The following RAB39A variants were observed in gnomAD, a reference collection of about 807,000 sequenced individuals.
RAB39A encodes the protein ras-related protein Rab-39A.
RAB39A carries 17 observed loss-of-function variants against 20.9 expected under a neutral mutation model. The observed-to-expected ratio is 0.81, with a 90% CI of 0.56 to 1.22. RAB39A has a LOEUF of 1.22. Ranked by LOEUF, RAB39A falls within the 50% of genes most tolerant of loss-of-function variation. RAB39A has a pLI of 0.00. For missense variants in RAB39A, 234 were observed against 270.5 expected (o/e 0.87, Z 0.95); for synonymous variants, 99 against 103.4 (o/e 0.96, Z 0.26).
intron 1 of RAB39A, among the ~76,000 whole-genome samples, chr11:107,931,160 G>A (rs1034460720): frequency 6.6e-6 from 1 of 151,950 alleles, no homozygotes; most frequent in African/African-American, 2.4e-5. Flanking sequence ...ATTTTTAGTA[G>A]AGACGGGGAT....
chr11:107,945,183 C>CA (rs530534250), intron 1 of RAB39A, among the ~76,000 whole-genome samples: 4,569 of 120,502 alleles, frequency 0.038, 128 homozygotes, highest in African/African-American at 0.095. Flanking sequence ...GACTCCATCT[C>CA]AAAAAAAAAA....
chr11:107,936,082 T>C lies in RAB39A; in HGVS notation c.227+7287T>C, dbSNP rs975702651. On this transcript the variant is annotated intron_variant, in intron 1 of 1. Coordinates refer to ENST00000320578, the MANE Select transcript of RAB39A (RefSeq NM_017516.3). ...ACTCAGCTAGTTTTTGTATTTTTAG[T>C]AGAGACAGGGTTTCAGCATGTTGGC... Among the ~76,000 whole-genome samples the C allele has an allele frequency of 1.8e-4, 28 of 151,932 alleles. 1 individual carries two copies. Among genetic ancestry groups the C allele is most frequent in the African/African-American group, 6.0e-4 (25 of 41,360 alleles).
intron 1 of RAB39A, among the ~76,000 whole-genome samples, chr11:107,944,733 A>G (rs1156345342): frequency 1.3e-5 from 2 of 152,172 alleles, no homozygotes; most frequent in Non-Finnish European, 2.9e-5. Flanking sequence ...AAGTACTTAA[A>G]TAAGTTTCAG....
At chr11:107,945,318 C>CAAAAAAAAAA (rs33940061) in intron 1 of RAB39A, among the ~76,000 whole-genome samples, 7 of 87,448 alleles carry the variant, frequency 8.0e-5, no homozygotes, top group Admixed American at 1.4e-4. Flanking sequence ...CCCGTCTCTA[C>CAAAAAAAAAA]AAAAAAAAAA....
intron 1 of RAB39A, among the ~76,000 whole-genome samples, chr11:107,956,196 C>G (rs1438290141): frequency 6.6e-6 from 1 of 152,184 alleles, no homozygotes; most frequent in Non-Finnish European, 1.5e-5. Context: ...GTATCTCTTT[C>G]CCTCAAACTT....
chr11:107,936,405 ATCCCACTGGCTTATCTTCTCTTC>A (rs147559084), intron 1 of RAB39A, among the ~76,000 whole-genome samples: 34,975 of 150,212 alleles, frequency 0.23, 4,913 homozygotes, highest in South Asian at 0.39. Flanking sequence ...ATCTTCCCTT[ATCCCACTGGCTTATCTTCTCTTC>A]TCCCACTGGC....
intron 1 of RAB39A, among the ~76,000 whole-genome samples, chr11:107,948,402 A>T: frequency 6.6e-6 from 1 of 151,950 alleles, no homozygotes. Flanking sequence ...TATTGCACTT[A>T]GGCAGCGTCA....
At chr11:107,931,534 T>G (rs1861137107) in intron 1 of RAB39A, among the ~76,000 whole-genome samples, 1 of 152,222 alleles carries the variant, frequency 6.6e-6, no homozygotes, top group Non-Finnish European at 1.5e-5. Flanking sequence ...AGATTGCATT[T>G]AAAACAATTA....
At chr11:107,939,260 A>AG (rs1278968354) in intron 1 of RAB39A, among the ~76,000 whole-genome samples, 1 of 148,778 alleles carries the variant, frequency 6.7e-6, no homozygotes, top group African/African-American at 2.5e-5. Flanking sequence ...AAAAAAAAAA[A>AG]AAAGAGAGAG....
chr11:107,962,063 A>G lies in RAB39A; in HGVS notation c.345A>G (p.Val115=), dbSNP rs1260298909. 1.2e-6 allele frequency: 2 copies of G among 1,614,174 alleles called. No homozygotes were observed. The highest frequency in any genetic ancestry group is 1.7e-5 in the Admixed American group (1 of 60,028). The change falls in exon 2 of 2, where the codon GTA becomes GTG. Residue 115 remains valine, a synonymous_variant. Transcript: ENST00000320578. ...GGCTAGAAGAAGCAAAAATGTATGT[A>G]CAGCCATTTCGGATTGTATTTCTGC... ...KDWLEEAKMY[V]QPFRIVFLLV... is the part of the protein sequence containing the mutation.
intron 1 of RAB39A, among the ~76,000 whole-genome samples, chr11:107,934,656 G>T (rs536320861): frequency 1.3e-5 from 2 of 152,260 alleles, no homozygotes; most frequent in South Asian, 4.1e-4. Context: ...GCCGGGCGTG[G>T]TGGCTCACAC....
At chr11:107,950,329 C>G (rs1232252679) in intron 1 of RAB39A, among the ~76,000 whole-genome samples, 1 of 152,082 alleles carries the variant, frequency 6.6e-6, no homozygotes, top group Non-Finnish European at 1.5e-5. Flanking sequence ...CTCTTTTATT[C>G]TCCCATTTCC....
chr11:107,935,905 T>G (rs969286250), intron 1 of RAB39A, among the ~76,000 whole-genome samples: 1 of 10,444 alleles, frequency 9.6e-5, no homozygotes, highest in African/African-American at 2.5e-4. Context: ...GGCCACTTTT[T>G]TTTTTTTTTT....
In RAB39A at chr11:107,940,859, G is replaced by C. The variant is rs548142659; in HGVS notation, c.227+12064G>C. On this transcript the variant is annotated intron_variant, in intron 1 of 1. Transcript: ENST00000320578. The stretch of plus-strand genomic sequence containing the variant: ...GGTGTGGCATGTGCCTGTAGTCCCA[G>C]CTACTCAGGAGGCTGAGGAAGGAGA... Among the ~76,000 whole-genome samples the C allele has an allele frequency of 2.6e-5, 4 of 152,102 alleles. No individual in the cohort carries two copies. In the East Asian group the frequency reaches 7.8e-4, roughly 30 times the overall value.
At chr11:107,940,364 A>G (rs1043107398) in intron 1 of RAB39A, among the ~76,000 whole-genome samples, 1 of 151,958 alleles carries the variant, frequency 6.6e-6, no homozygotes, top group Non-Finnish European at 1.5e-5. Flanking sequence ...TCCCGGTTCA[A>G]GCAATCCTAC....
At chr11:107,930,579 T>TG (rs1032981493) in intron 1 of RAB39A, among the ~76,000 whole-genome samples, 7 of 152,198 alleles carry the variant, frequency 4.6e-5, no homozygotes, top group African/African-American at 9.6e-5. Context: ...TCAACTTGGC[T>TG]GGGCAGGGTG....
At chr11:107,951,112 G>C (rs895321633) in intron 1 of RAB39A, among the ~76,000 whole-genome samples, 2 of 152,112 alleles carry the variant, frequency 1.3e-5, no homozygotes, top group African/African-American at 4.8e-5. Flanking sequence ...CAAAGAAAAA[G>C]AATCTTAAGA....
intron 1 of RAB39A, among the ~76,000 whole-genome samples, chr11:107,951,899 TATC>T (rs1304325058): frequency 5.3e-5 from 8 of 152,200 alleles, no homozygotes; most frequent in African/African-American, 1.9e-4. Flanking sequence ...TAATCTGAGA[TATC>T]ATTTACATTT....
At chr11:107,957,649 C>G (rs1861451030) in intron 1 of RAB39A, among the ~76,000 whole-genome samples, 1 of 152,204 alleles carries the variant, frequency 6.6e-6, no homozygotes, top group South Asian at 2.1e-4. Context: ...CCCTCTCCTC[C>G]AGAATTCACC....
Sources: gnomAD v4.1 joint callset for allele counts (sites outside exome capture counted in the v4.1 genomes callset) on GRCh38, gnomAD v4.1.1 for gene constraint, MANE v1.5 for transcripts, NCBI Gene and HGNC (gene_info 2026-07-23, HGNC 2026-07-21) for gene names.